Variants in FCRLA observed in about 807,000 individuals in gnomAD.
FCRLA encodes Fc receptor like A.
In FCRLA, 26 loss-of-function variants were observed where a neutral mutation model predicts 28.4. That is an observed-to-expected ratio of 0.91 (90% CI 0.67 to 1.27). The LOEUF is 1.27. Ranked by LOEUF, FCRLA falls within the 50% of genes most tolerant of loss-of-function variation. The probability of loss-of-function intolerance (pLI) is 0.00; values close to 1 mark genes in which losing one functional copy is unlikely to be tolerated. For synonymous variants in FCRLA, 174 were observed against 168.5 expected, an observed-to-expected ratio of 1.03 and a Z score of -0.25; for missense variants, 422 against 433.1, an observed-to-expected ratio of 0.97 and a Z score of 0.23.
intron 1 of FCRLA, 46 bp from the exon 2 acceptor site, chr1:161,710,714 G>C (rs1003531067): frequency 6.2e-7 from 1 of 1,612,442 alleles, no homozygotes; most frequent in Non-Finnish European, 8.5e-7. Context: ...CTTTCTCCAA[G>C]TTGCATCATC....
chr1:161,711,047 G>A (rs1683073301), intron 2 of FCRLA, 135 bp downstream of exon 2: 1 of 1,442,482 alleles, frequency 6.9e-7, no homozygotes, highest in Admixed American at 2.0e-5. Flanking sequence ...ACAGCAACCA[G>A]GGTGCTCTAA....
chr1:161,709,318 G>C (rs1682981376), intron 1 of FCRLA, among the ~76,000 whole-genome samples: 1 of 152,230 alleles, frequency 6.6e-6, no homozygotes, highest in African/African-American at 2.4e-5. Context: ...TATTTGTTGA[G>C]ACAGGGTCTC....
intron 2 of FCRLA, 31 bp from the exon 3 acceptor site, chr1:161,711,177 G>A (rs924686920): frequency 1.3e-6 from 2 of 1,589,720 alleles, no homozygotes; most frequent in South Asian, 2.3e-5. Context: ...GGAGGCCCTG[G>A]GTGACACTCA....
At position 161,712,081 on chromosome 1, in the gene FCRLA, T is replaced by G; in HGVS notation, c.647T>G (p.Val216Gly). ...LFSFYKDGRIVQSRGLSSEFQ... is the reference protein window; with the variant it reads ...LFSFYKDGRIGQSRGLSSEFQ... Reference sequence around the variant, plus strand: ...TCCTTCTACAAGGATGGAAGGATAGTGCAAAGCAGGGGGCTCTCCTCAGAA... The same window carrying G: ...TCCTTCTACAAGGATGGAAGGATAGGGCAAAGCAGGGGGCTCTCCTCAGAA... The change falls in exon 4 of 5, where the codon GTG (valine) becomes GGG (glycine). Residue 216 changes from valine (V) to glycine (G), a missense_variant. Physicochemically the swap from Val to Gly is moderately radical, Grantham distance 109. Around this residue, in one of 3 missense-constraint regions of FCRLA, gnomAD observed 185 missense variants for 198.1 expected, o/e 0.93. Transcript: ENST00000236938. 3 of 1,614,114 alleles carry G rather than the reference T, an allele frequency of 1.9e-6. No homozygotes were observed. Among genetic ancestry groups the G allele is most frequent in the Non-Finnish European group, 2.5e-6 (3 of 1,180,024 alleles).
At chr1:161,712,370 G>T (rs968096680) in intron 4 of FCRLA, 152 bp downstream of exon 4, 3 of 910,180 alleles carry the variant, frequency 3.3e-6, no homozygotes, top group Non-Finnish European at 4.9e-6. Flanking sequence ...AATCCCTGAT[G>T]ATGAGAGACA....
intron 1 of FCRLA, chr1:161,710,226 A>G: frequency 1.8e-6 from 1 of 551,108 alleles, no homozygotes; most frequent in South Asian, 2.2e-5. Flanking sequence ...TTCCCGATCC[A>G]TTGCTTAGTC....
rs1557925147 is a variant in FCRLA at position 161,713,277 on chromosome 1, AAC to A, written c.981_982del (p.Met328AlafsTer31). On this transcript the variant is annotated frameshift_variant, in exon 5 of 5. Coordinates refer to ENST00000236938, the MANE Select transcript of FCRLA (RefSeq NM_032738.4). LOFTEE classifies it low-confidence loss of function (END_TRUNC). ...TATCACCAGATGGGCCTTCTTCTCA[AAC>A]ACATGCAGGATGTGAGAGTCCTCCT... 4 of 1,614,086 alleles carry A rather than the reference AAC, an allele frequency of 2.5e-6. No homozygotes were observed. Among genetic ancestry groups the A allele is most frequent in the Non-Finnish European group, 3.4e-6 (4 of 1,180,036 alleles).
intron 2 of FCRLA, 140 bp downstream of exon 2, chr1:161,711,052 C>T (rs1238102525): frequency 7.0e-7 from 1 of 1,429,342 alleles, no homozygotes; most frequent in Non-Finnish European, 9.5e-7. Flanking sequence ...AACCAGGGTG[C>T]TCTAAGTCCT....
rs1210452953 is a variant in FCRLA, at chr1:161,707,294, G to A, written c.30G>A (p.Trp10Ter). MKLGCVLMAWALYLSLGVLW... is the reference protein window; with the variant it reads MKLGCVLMA ...AGCTGGGCTGTGTCCTCATGGCCTG[G>A]GCCCTCTACCTTTCCCTTGGTGTGC... is the stretch of plus-strand genomic sequence containing the variant. Residue 10 changes from tryptophan to a stop codon, truncating the protein, a stop_gained, in exon 1 of 5, where the codon TGG becomes TGA. Transcript: ENST00000236938. LOFTEE classifies it high-confidence loss of function. 1 of 1,613,688 alleles carries A rather than the reference G, an allele frequency of 6.2e-7. No individual in the cohort carries two copies. Among genetic ancestry groups the A allele is most frequent in the East Asian group, 2.2e-5 (1 of 44,860 alleles).
At position 161,711,261 on chromosome 1, in the gene FCRLA, G is replaced by A. The variant is rs750920328; in HGVS notation, c.286G>A (p.Val96Ile). The change falls in exon 3 of 5, where the codon GTT becomes ATT. Residue 96 changes from valine to isoleucine, a missense_variant. Physicochemically the swap from Val to Ile is conservative, Grantham distance 29. Transcript: ENST00000236938. ...GCCAGTTTTTGAAGGGGACCTGCTG[G>A]TTCTGCGCTGCCAGGCCTGGCAAGA... ...AKPVFEGDLLVLRCQAWQDWP... is the reference protein window; with the variant it reads ...AKPVFEGDLLILRCQAWQDWP... 4.3e-6 allele frequency: 7 copies of A among 1,614,102 alleles called. No individual in the cohort carries two copies. The highest frequency in any genetic ancestry group is 3.3e-5 in the Admixed American group (2 of 60,012).
chr1:161,711,623 G>C, intron 3 of FCRLA, 149 bp downstream of exon 3: 1 of 1,023,424 alleles, frequency 9.8e-7, no homozygotes, highest in Non-Finnish European at 1.4e-6. Context: ...CTTCGAAAGG[G>C]ACGAGACCTC....
rs1238023717 is a variant in FCRLA, at chr1:161,711,935, A to G, written c.501A>G (p.Glu167=). 2 of 1,606,670 alleles carry G rather than the reference A, an allele frequency of 1.2e-6. No homozygotes were observed. The highest frequency in any genetic ancestry group is 3.4e-5 in the Admixed American group (2 of 58,888). ...TASVVAITVQ[E]LFPAPILRAV... ...CTTTCCTGCCTATCTTTTTCCCAGA[A>G]CTGTTTCCAGCGCCAATTCTCAGAG... The change falls in exon 4 of 5, where the codon GAA becomes GAG. Residue 167 remains glutamate, a splice_region_variant and synonymous_variant. Transcript: ENST00000236938.
chr1:161,707,255 C>T lies in FCRLA; in HGVS notation c.-10C>T, dbSNP rs765314010. On this transcript the variant is annotated 5_prime_UTR_variant, in exon 1 of 5. Coordinates refer to ENST00000236938, the MANE Select transcript of FCRLA (RefSeq NM_032738.4). Reference sequence around the variant, plus strand: ...GTGTTGGGGTTGCAGGAGACCTAAACACAGTCACCATGAAGCTGGGCTGTG... The same window carrying T: ...GTGTTGGGGTTGCAGGAGACCTAAATACAGTCACCATGAAGCTGGGCTGTG... 6 of 1,613,976 alleles carry T rather than the reference C, an allele frequency of 3.7e-6. No homozygotes were observed. The African/African-American group carries it at 4.0e-5, about 11-fold the overall frequency.
rs139679038 is a variant in FCRLA, at chr1:161,712,690, G to A, written c.785-395G>A. Reference sequence around the variant, plus strand: ...GGGGCTGGAGATGCTATCCTGAAGAGGAGGTGACTCAGAGGCCAGCAGAGG... The same window carrying A: ...GGGGCTGGAGATGCTATCCTGAAGAAGAGGTGACTCAGAGGCCAGCAGAGG... On this transcript the variant is annotated intron_variant, in intron 4 of 4. Coordinates refer to ENST00000236938, the MANE Select transcript of FCRLA (RefSeq NM_032738.4). Among the ~76,000 whole-genome samples the A allele has an allele frequency of 2.8e-3, 430 of 152,318 alleles. 1 individual carries two copies. Among genetic ancestry groups the A allele is most frequent in the Non-Finnish European group, 5.1e-3 (347 of 68,026 alleles).
chr1:161,713,280 A>G lies in FCRLA; in HGVS notation c.980A>G (p.His327Arg), dbSNP rs766913513. 1.9e-6 allele frequency: 3 copies of G among 1,614,168 alleles called. No individual in the cohort carries two copies. The highest frequency in any genetic ancestry group is 2.5e-6 in the Non-Finnish European group (3 of 1,180,008). ...CACCAGATGGGCCTTCTTCTCAAACACATGCAGGATGTGAGAGTCCTCCTC... is the reference window on the plus strand; with the variant it reads ...CACCAGATGGGCCTTCTTCTCAAACGCATGCAGGATGTGAGAGTCCTCCTC... ...LYHQMGLLLK[H>R]MQDVRVLLGH... The change falls in exon 5 of 5, where the codon CAC (histidine) becomes CGC (arginine). Residue 327 changes from histidine (H) to arginine (R), a missense_variant. His to Arg is a conservative substitution (Grantham distance 29). Transcript: ENST00000236938.
At chr1:161,707,908 C>T (rs1180836750) in intron 1 of FCRLA, among the ~76,000 whole-genome samples, 1 of 152,188 alleles carries the variant, frequency 6.6e-6, no homozygotes. Context: ...TTCTCTTCCC[C>T]TTAAACACTA....
Position 161,712,259 on chromosome 1 carries a change from G to A in FCRLA, c.784+41G>A, listed in dbSNP as rs148785375. The A allele has an allele frequency of 5.4e-4, 860 of 1,580,806 alleles. 1 individual carries two copies. The Middle Eastern group carries it at 9.5e-3, about 17-fold the overall frequency. On this transcript the variant is annotated intron_variant, in intron 4 of 4. Transcript: ENST00000236938. The stretch of plus-strand genomic sequence containing the variant: ...AGTGCAGGTTGTCTGTTTGGCATGC[G>A]TGTGAGTGAAAAGGAGGGATAGGAT...
At chr1:161,712,920 C>T (rs1683174575) in intron 4 of FCRLA, among the ~76,000 whole-genome samples, 165 bp from the exon 5 acceptor site, 1 of 152,210 alleles carries the variant, frequency 6.6e-6, no homozygotes, top group Non-Finnish European at 1.5e-5. Flanking sequence ...AGTGGCCAAG[C>T]TTCAGATTAA....
rs773562984 is a variant in FCRLA at position 161,712,248 on chromosome 1, G to A, written c.784+30G>A. Reference sequence around the variant, plus strand: ...GTTCGCATCAGAGTGCAGGTTGTCTGTTTGGCATGCGTGTGAGTGAAAAGG... The same window carrying A: ...GTTCGCATCAGAGTGCAGGTTGTCTATTTGGCATGCGTGTGAGTGAAAAGG... On this transcript the variant is annotated intron_variant, in intron 4 of 4. Transcript: ENST00000236938. 1.2e-5 allele frequency: 19 copies of A among 1,592,436 alleles called. No individual in the cohort carries two copies. The East Asian group carries it at 3.8e-4, about 32-fold the overall frequency.
Sources: gnomAD v4.1 joint callset for allele counts (sites outside exome capture counted in the v4.1 genomes callset) on GRCh38, gnomAD v4.1.1 for gene constraint, gnomAD v4.1.1 regional missense constraint, MANE v1.5 for transcripts, NCBI Gene and HGNC (gene_info 2026-07-23, HGNC 2026-07-21) for gene names.